Variants in TEX14 observed in about 807,000 individuals in gnomAD.
TEX14 encodes testis expressed 14, intercellular bridge forming factor, also known as inactive serine/threonine-protein kinase TEX14.
A neutral mutation model predicts 178.6 loss-of-function variants in TEX14; 168 were observed. The observed-to-expected ratio is 0.94, with a 90% CI of 0.83 to 1.07. The LOEUF is 1.07. TEX14 is among the 50% of genes least tolerant of loss of function. The pLI, the probability that TEX14 is intolerant of heterozygous loss-of-function variation, is 0.00. For missense variants in TEX14, 1,730 were observed against 1,753.6 expected (o/e 0.99, Z 0.24); for synonymous variants, 626 against 634.1 (o/e 0.99, Z 0.19).
intron 1 of TEX14, among the ~76,000 whole-genome samples, chr17:58,670,064 C>T (rs2047279336): frequency 6.6e-6 from 1 of 152,180 alleles, no homozygotes. Flanking sequence ...CTGTGTAGTT[C>T]CCCTTGCTTA....
At chr17:58,660,537 G>A (rs1321405484) in intron 1 of TEX14, 2 of 744,322 alleles carry the variant, frequency 2.7e-6, no homozygotes, top group Non-Finnish European at 4.9e-6. Context: ...CCTTGGCGGG[G>A]AAGGTGTGCA....
chr17:58,571,874 C>T (rs182743863), intron 24 of TEX14, 47 bp downstream of exon 24: 1 of 1,570,702 alleles, frequency 6.4e-7, no homozygotes, highest in Non-Finnish European at 8.7e-7. Flanking sequence ...TCACTGGGCC[C>T]TTTGGGCTGA....
At chr17:58,660,578 T>C (rs779168028) in intron 1 of TEX14, 2 of 792,452 alleles carry the variant, frequency 2.5e-6, no homozygotes, top group Non-Finnish European at 4.6e-6. Flanking sequence ...GTGGGAAGAT[T>C]AGCCCATGTT....
chr17:58,613,679 GAC>G, intron 8 of TEX14, 135 bp from the exon 9 acceptor site: 1 of 968,302 alleles, frequency 1.0e-6, no homozygotes, highest in Non-Finnish European at 1.5e-6. Flanking sequence ...TTTTTTTTTT[GAC>G]ACAGAGTCTC....
intron 3 of TEX14, among the ~76,000 whole-genome samples, chr17:58,627,913 CT>C (rs1172697593): frequency 1.5e-3 from 116 of 75,694 alleles, no homozygotes; most frequent in African/African-American, 4.4e-3. Context: ...CCCATGCCAC[CT>C]TTTTTTTTTT....
chr17:58,592,236 A>AT (rs34196233), intron 15 of TEX14, among the ~76,000 whole-genome samples: 34,278 of 148,738 alleles, frequency 0.23, 5,023 homozygotes, highest in Middle Eastern at 0.42. Flanking sequence ...TATTTATTTA[A>AT]TTTTTTTTTT....
chr17:58,601,069 T>C (rs909766849), intron 13 of TEX14, among the ~76,000 whole-genome samples: 1 of 151,640 alleles, frequency 6.6e-6, no homozygotes, highest in Non-Finnish European at 1.5e-5. Context: ...AGCAACATAA[T>C]GAGACCTCAT....
Position 58,565,937 on chromosome 17 carries a change from C to T in TEX14, c.3887-113G>A, listed in dbSNP as rs577926612. 39 of 795,518 alleles carry T rather than the reference C, an allele frequency of 4.9e-5. No homozygotes were observed. The African/African-American group carries it at 6.0e-4, about 12-fold the overall frequency. The allele number at this position is 795,518 out of a possible 1,614,324, so 49.3% of individuals were successfully genotyped here. On this transcript the variant is annotated intron_variant, in intron 26 of 31. Transcript: ENST00000349033. ...CTTAGACTTGCAGCATTAACATAAC[C>T]CGGGAACTCGTTAGGAATGCAAATT...
intron 1 of TEX14, among the ~76,000 whole-genome samples, chr17:58,673,692 G>A (rs2047341506): frequency 6.6e-6 from 1 of 151,894 alleles, no homozygotes; most frequent in African/African-American, 2.4e-5. Context: ...CTCCCGAGTA[G>A]CTGGGACCAC....
chr17:58,679,899 C>T (rs1443143218), intron 1 of TEX14, among the ~76,000 whole-genome samples: 2 of 152,188 alleles, frequency 1.3e-5, no homozygotes, highest in South Asian at 2.1e-4. Context: ...GCAGTCACTG[C>T]GCTTATCTAC....
At chr17:58,635,159 A>G (rs2046406372) in intron 2 of TEX14, among the ~76,000 whole-genome samples, 1 of 152,144 alleles carries the variant, frequency 6.6e-6, no homozygotes, top group South Asian at 2.1e-4. Flanking sequence ...AAAAGGAAAA[A>G]ATGCTGATAT....
rs546039758 is a variant in TEX14 at position 58,570,842 on chromosome 17, G to A, written c.3718-358C>T. Among the ~76,000 whole-genome samples, 8 of 152,072 alleles carry A rather than the reference G, an allele frequency of 5.3e-5. No homozygotes were observed. In the East Asian group the frequency reaches 1.5e-3, roughly 29 times the overall value. Reference sequence around the variant, plus strand: ...GACGGGGTTTCATCATGTTGGCCAGGCTGGTCTCAAACTCCTGATCTCAAA... The same window carrying A: ...GACGGGGTTTCATCATGTTGGCCAGACTGGTCTCAAACTCCTGATCTCAAA... On this transcript the variant is annotated intron_variant, in intron 24 of 31. Transcript: ENST00000349033.
In TEX14 at chr17:58,630,126, G is replaced by A. The variant is rs562547113; in HGVS notation, c.251+314C>T. ...GGCTGGGGTACAATGGCGCGATCTC[G>A]GCTCACTGCAACCTCCACCTCCCGG... On this transcript the variant is annotated intron_variant, in intron 3 of 31. Transcript: ENST00000349033. Among the ~76,000 whole-genome samples the A allele has an allele frequency of 5.3e-5, 8 of 150,896 alleles. No homozygotes were observed. The South Asian group carries it at 1.7e-3, about 32-fold the overall frequency.
rs1178353452 is a variant in TEX14, at chr17:58,599,160, T to A, written c.2185A>T (p.Lys729Ter). The change falls in exon 14 of 32, where the codon AAG becomes TAG. Residue 729 changes from lysine to a stop codon, truncating the protein, a stop_gained. Coordinates refer to ENST00000349033, the MANE Select transcript of TEX14 (RefSeq NM_031272.5). LOFTEE classifies it high-confidence loss of function. ...ATAATCTTTAGATCCAGCACACACTTACTGATGAGATACTCCTCAGTCGTG... is the reference window on the plus strand; with the variant it reads ...ATAATCTTTAGATCCAGCACACACTAACTGATGAGATACTCCTCAGTCGTG... ...MSTTEEYLIS[K>*]CVLDLKIMQT... is the part of the protein sequence containing the mutation. The A allele has an allele frequency of 1.2e-6, 2 of 1,614,096 alleles. No homozygotes were observed.
intron 24 of TEX14, among the ~76,000 whole-genome samples, chr17:58,571,625 G>A (rs112487551): frequency 1.6e-4 from 24 of 152,218 alleles, no homozygotes; most frequent in Admixed American, 3.9e-4. Context: ...AAGAAGAGGA[G>A]GAGAAGAAGG....
At chr17:58,572,632 TAAA>T (rs1313175015) in intron 23 of TEX14, among the ~76,000 whole-genome samples, 4 of 131,588 alleles carry the variant, frequency 3.0e-5, no homozygotes, top group African/African-American at 2.8e-5. Context: ...ACTCTGTCTT[TAAA>T]AAAAAAAAAA....
intron 2 of TEX14, among the ~76,000 whole-genome samples, chr17:58,647,135 G>A (rs1359574396): frequency 1.3e-5 from 2 of 151,682 alleles, no homozygotes; most frequent in Non-Finnish European, 2.9e-5. Context: ...CCTGACCTCA[G>A]GTAATCCACC....
chr17:58,585,721 C>A (rs2044947479), intron 18 of TEX14, 80 bp downstream of exon 18: 1 of 1,411,736 alleles, frequency 7.1e-7, no homozygotes, highest in Admixed American at 1.9e-5. Flanking sequence ...TCCCAAAGTG[C>A]TGGAATTACA....
At chr17:58,650,332 G>GT (rs1284147009) in intron 2 of TEX14, among the ~76,000 whole-genome samples, 1 of 152,074 alleles carries the variant, frequency 6.6e-6, no homozygotes, top group African/African-American at 2.4e-5. Context: ...GATTACAGGT[G>GT]TGAGTCACCA....
Sources: allele counts gnomAD v4.1 joint callset (sites outside exome capture counted in the v4.1 genomes callset), GRCh38; gene constraint gnomAD v4.1.1; transcripts MANE v1.5; gene names NCBI Gene and HGNC (gene_info 2026-07-23, HGNC 2026-07-21).